Variants in CACNA1C observed in about 807,000 individuals in gnomAD.
CACNA1C encodes calcium voltage-gated channel subunit alpha1 C.
CACNA1C carries 30 observed loss-of-function variants against 229.0 expected under a neutral mutation model. That is an observed-to-expected ratio of 0.13 (90% CI 0.10 to 0.18). CACNA1C has a LOEUF of 0.18. Among genes scored for constraint, CACNA1C ranks in the 10% least tolerant of loss-of-function variants. The probability of loss-of-function intolerance (pLI) is 1.00; values close to 1 mark genes in which losing one functional copy is unlikely to be tolerated. For missense variants in CACNA1C, 1,658 were observed against 2,845.0 expected, an observed-to-expected ratio of 0.58 and a Z score of 9.49; for synonymous variants, 1,114 against 1,132.5, an observed-to-expected ratio of 0.98 and a Z score of 0.33.
In CACNA1C at chr12:2,665,111, G is replaced by T. The variant is rs1226770235; in HGVS notation, c.4398+121G>T. On this transcript the variant is annotated intron_variant, in intron 35 of 46. Coordinates refer to ENST00000399655, the MANE Select transcript of CACNA1C (RefSeq NM_000719.7). This position sits in a 1 kb window ranked among gnomAD's most constrained non-coding sequence, Gnocchi z 5.9. ...CCTATCAGAGGAGCTGGCTTGGGAA[G>T]ACTAAGTTGGCAGGAGTGTCCAGCC... 2 of 1,039,202 alleles carry T rather than the reference G, an allele frequency of 1.9e-6. No individual in the cohort carries two copies. The highest frequency in any genetic ancestry group is 4.4e-5 in the Admixed American group (2 of 45,096). 64.4% of individuals were successfully genotyped at this position (1,039,202 alleles called of 1,614,324 possible). A position where few individuals can be genotyped will look rare whatever the true frequency, so the allele number is the denominator to read the frequency against.
intron 3 of CACNA1C, among the ~76,000 whole-genome samples, chr12:2,252,742 T>C (rs2076040141): frequency 6.6e-6 from 1 of 152,166 alleles, no homozygotes; most frequent in Non-Finnish European, 1.5e-5. Flanking sequence ...ACCTGTTAGG[T>C]CAAACCCCTT....
In CACNA1C at chr12:2,653,936, C is replaced by T. The variant is rs369706132; in HGVS notation, c.4140+36C>T. 43 of 1,555,738 alleles carry T rather than the reference C, an allele frequency of 2.8e-5. No individual in the cohort carries two copies. The highest frequency in any genetic ancestry group is 5.4e-5 in the African/African-American group (4 of 73,796). On this transcript the variant is annotated intron_variant, in intron 33 of 46. Transcript: ENST00000399655. The surrounding 1 kb of genome is among the most constrained non-coding windows in gnomAD (Gnocchi z 4.7). The stretch of plus-strand genomic sequence containing the variant: ...TCCCACCACGGGGCTCCTGGCCTCC[C>T]GCTCTGTCTCTCCCCAGTTCCCAGC...
Position 2,651,804 on chromosome 12 carries a change from G to C in CACNA1C, c.4074+36G>C, listed in dbSNP as rs1990322. 1 of 1,550,560 alleles carries C rather than the reference G, an allele frequency of 6.4e-7. No homozygotes were observed. Among genetic ancestry groups the C allele is most frequent in the Non-Finnish European group, 8.8e-7 (1 of 1,140,822 alleles). On this transcript the variant is annotated intron_variant, in intron 32 of 46. Transcript: ENST00000399655. The surrounding 1 kb of genome is among the most constrained non-coding windows in gnomAD (Gnocchi z 5.4). Reference sequence around the variant, plus strand: ...CTCATGTCCTGCGGCCCGGGGAATCGCAGGGCTGCCGCGTGGCCCAGAACA... The same window carrying C: ...CTCATGTCCTGCGGCCCGGGGAATCCCAGGGCTGCCGCGTGGCCCAGAACA...
chr12:2,372,287 A>G (rs138784934), intron 3 of CACNA1C, among the ~76,000 whole-genome samples: 263 of 152,296 alleles, frequency 1.7e-3, no homozygotes, highest in African/African-American at 6.1e-3. Context: ...TAGGAAGAGA[A>G]CTGTGTACAG....
intron 3 of CACNA1C, among the ~76,000 whole-genome samples, chr12:2,289,326 A>G (rs903010699): frequency 3.9e-5 from 6 of 152,098 alleles, no homozygotes; most frequent in Non-Finnish European, 7.3e-5. Flanking sequence ...GTCATCCTGA[A>G]TTTCCTTCAC....
At chr12:2,162,556 G>C (rs536799036) in intron 3 of CACNA1C, among the ~76,000 whole-genome samples, 2 of 152,172 alleles carry the variant, frequency 1.3e-5, no homozygotes, top group Admixed American at 6.5e-5. Flanking sequence ...GAATGTCCCT[G>C]AGAGTAACTA....
chr12:2,159,578 A>T (rs2154242943), intron 3 of CACNA1C, among the ~76,000 whole-genome samples: 1 of 151,802 alleles, frequency 6.6e-6, no homozygotes, highest in African/African-American at 2.4e-5. Flanking sequence ...ATTGGTGTTT[A>T]TCTCCTTTAG....
intron 1 of CACNA1C, among the ~76,000 whole-genome samples, chr12:1,987,736 C>T (rs2038207303): frequency 6.6e-6 from 1 of 152,154 alleles, no homozygotes. Flanking sequence ...CACATACAAC[C>T]CCATCCTTCC....
At chr12:2,437,130 G>A (rs1463263995) in intron 3 of CACNA1C, among the ~76,000 whole-genome samples, 1 of 152,260 alleles carries the variant, frequency 6.6e-6, no homozygotes, top group Non-Finnish European at 1.5e-5. Flanking sequence ...AATGGATGGA[G>A]AAGAGAAAAG....
rs755308153 is a variant in CACNA1C, at chr12:2,685,858, G to C, written c.5680+16G>C. 2.5e-6 allele frequency: 4 copies of C among 1,572,990 alleles called. No homozygotes were observed. The Admixed American group carries it at 5.0e-5, about 20-fold the overall frequency. On this transcript the variant is annotated intron_variant, in intron 44 of 46. Coordinates refer to ENST00000399655, the MANE Select transcript of CACNA1C (RefSeq NM_000719.7). Reference sequence around the variant, plus strand: ...GCCTCACTAGGTAAATGCACCGCTCGCTCTCTGGATGTGGTCGGCGGTTAC... The same window carrying C: ...GCCTCACTAGGTAAATGCACCGCTCCCTCTCTGGATGTGGTCGGCGGTTAC...
At chr12:2,087,631 A>C (rs2068222685) in intron 1 of CACNA1C, among the ~76,000 whole-genome samples, 1 of 152,194 alleles carries the variant, frequency 6.6e-6, no homozygotes, top group Non-Finnish European at 1.5e-5. Flanking sequence ...ACAAAGAAAA[A>C]AATCATAAAT....
At chr12:2,119,269 T>A (rs905718291) in intron 2 of CACNA1C, among the ~76,000 whole-genome samples, 1 of 151,944 alleles carries the variant, frequency 6.6e-6, no homozygotes, top group Non-Finnish European at 1.5e-5. Flanking sequence ...TGGTGGTCCC[T>A]TCACCCCGGA....
intron 6 of CACNA1C, among the ~76,000 whole-genome samples, chr12:2,489,500 G>A (rs1478413879): frequency 6.6e-6 from 1 of 152,084 alleles, no homozygotes; most frequent in Non-Finnish European, 1.5e-5. Context: ...ACCATATGCC[G>A]ATACCTTTTG....
intron 3 of CACNA1C, among the ~76,000 whole-genome samples, chr12:2,182,131 CAAAAAAA>C (rs56365126): frequency 1.6e-4 from 14 of 86,688 alleles, no homozygotes; most frequent in Admixed American, 3.6e-4. Flanking sequence ...TTTCTGTCTG[CAAAAAAA>C]AAAAAAAAAA....
intron 3 of CACNA1C, among the ~76,000 whole-genome samples, chr12:2,268,210 G>C (rs1249919835): frequency 1.3e-5 from 2 of 152,166 alleles, no homozygotes; most frequent in Non-Finnish European, 2.9e-5. Context: ...TGATGATGTG[G>C]TCCCTCTGAA....
intron 5 of CACNA1C, among the ~76,000 whole-genome samples, chr12:2,463,158 C>T (rs1364157718): frequency 1.3e-5 from 2 of 152,182 alleles, no homozygotes; most frequent in Non-Finnish European, 2.9e-5. Flanking sequence ...ATCTGCCCGC[C>T]TCAGCCTCCC....
intron 29 of CACNA1C, among the ~76,000 whole-genome samples, chr12:2,617,905 C>T (rs1197914897): frequency 6.6e-6 from 1 of 152,246 alleles, no homozygotes; most frequent in Non-Finnish European, 1.5e-5. Flanking sequence ...ACTCTGTCAG[C>T]TCTGTCCATG....
At chr12:2,236,465 G>A (rs2067411358) in intron 3 of CACNA1C, among the ~76,000 whole-genome samples, 1 of 152,212 alleles carries the variant, frequency 6.6e-6, no homozygotes, top group Admixed American at 6.5e-5. Context: ...AACTATAGTA[G>A]CAGTTAGTAA....
intron 3 of CACNA1C, among the ~76,000 whole-genome samples, chr12:2,388,161 A>G (rs2098424581): frequency 6.6e-6 from 1 of 152,244 alleles, no homozygotes; most frequent in Non-Finnish European, 1.5e-5. Flanking sequence ...GATTTGGGTC[A>G]AAGTATACAG....
Sources: allele counts gnomAD v4.1 joint callset (sites outside exome capture counted in the v4.1 genomes callset), GRCh38; gene constraint gnomAD v4.1.1; non-coding constraint Gnocchi (gnomAD v3.1); transcripts MANE v1.5; gene names NCBI Gene and HGNC (gene_info 2026-07-23, HGNC 2026-07-21).